GPM6A: variants seen among roughly 807,000 people sequenced by gnomAD.
GPM6A encodes neuronal membrane glycoprotein M6-a.
GPM6A carries 7 observed loss-of-function variants against 32.1 expected under a neutral mutation model. That is an observed-to-expected ratio of 0.22 (90% CI 0.12 to 0.41). The LOEUF (loss-of-function observed/expected upper bound fraction) is 0.41, where lower values mean the gene tolerates loss of function less well. Among genes scored for constraint, GPM6A ranks in the 10% least tolerant of loss-of-function variants. The probability of loss-of-function intolerance (pLI) is 1.00; values close to 1 mark genes in which losing one functional copy is unlikely to be tolerated. For synonymous variants in GPM6A, 130 were observed against 123.4 expected, an observed-to-expected ratio of 1.05 and a Z score of -0.35; for missense variants, 235 against 347.2, an observed-to-expected ratio of 0.68 and a Z score of 2.57.
rs1742286154 is a variant in GPM6A at position 175,659,610 on chromosome 4, A to T, written c.388-7623T>A. Among the ~76,000 whole-genome samples the T allele has an allele frequency of 2.0e-5, 3 of 152,222 alleles. No homozygotes were observed. The South Asian group carries it at 6.2e-4, about 32-fold the overall frequency. Reference sequence around the variant, plus strand: ...ATAATGTCTAAAGCCCCAAAATGATAGTCATGAAAATTGCAATAGAAAGGC... The same window carrying T: ...ATAATGTCTAAAGCCCCAAAATGATTGTCATGAAAATTGCAATAGAAAGGC... On this transcript the variant is annotated intron_variant, in intron 3 of 6. Transcript: ENST00000393658.
At chr4:175,936,409 A>G (rs940377622) in intron 1 of GPM6A, among the ~76,000 whole-genome samples, 2 of 151,260 alleles carry the variant, frequency 1.3e-5, no homozygotes, top group South Asian at 2.1e-4. Context: ...ACTTTCCTCA[A>G]TGTGTAACTA....
chr4:175,961,750 G>T (rs1241998470), intron 1 of GPM6A, among the ~76,000 whole-genome samples: 2 of 152,144 alleles, frequency 1.3e-5, no homozygotes, highest in African/African-American at 4.8e-5. Context: ...AGAGCTTTCT[G>T]TTCTCAGCAA....
At chr4:175,918,921 TG>T (rs1302379202) in intron 1 of GPM6A, among the ~76,000 whole-genome samples, 1 of 151,996 alleles carries the variant, frequency 6.6e-6, no homozygotes, top group African/African-American at 2.4e-5. Context: ...TACTGGTTTT[TG>T]TCTTATTATC....
At chr4:175,856,109 A>G (rs1736406088) in intron 1 of GPM6A, among the ~76,000 whole-genome samples, 1 of 152,260 alleles carries the variant, frequency 6.6e-6, no homozygotes, top group Non-Finnish European at 1.5e-5. Flanking sequence ...ATATTGATAA[A>G]TTAATGTTTA....
chr4:175,962,727 AC>A lies in GPM6A; in HGVS notation c.-23+39581del. On this transcript the variant is annotated intron_variant, in intron 1 of 7. Coordinates refer to the GPM6A transcript ENST00000280187. ...CAGACCAAAAAAACCCACACTAAAG[AC>A]CTATTTACCTCATTTATTTTTACCC... is the stretch of plus-strand genomic sequence containing the variant. Among the ~76,000 whole-genome samples the A allele has an allele frequency of 1.3e-5, 2 of 152,194 alleles. 1 individual carries two copies. The highest frequency in any genetic ancestry group is 4.1e-4 in the South Asian group (2 of 4,822).
intron 4 of GPM6A, among the ~76,000 whole-genome samples, chr4:175,646,561 T>C (rs771692446): frequency 5.9e-5 from 9 of 152,220 alleles, no homozygotes; most frequent in Non-Finnish European, 1.0e-4. Context: ...GTCATGAAGA[T>C]ATTTTTCTTT....
At position 175,633,733 on chromosome 4, in the gene GPM6A, C is replaced by T. The variant is rs953199905; in HGVS notation, c.*1172G>A. On this transcript the variant is annotated 3_prime_UTR_variant, in exon 7 of 7. Transcript: ENST00000393658. The stretch of plus-strand genomic sequence containing the variant: ...TTATAAATGAATATGAATGAACATT[C>T]GGTTAAAATGACTTACTTGAAATAA... 1.0e-4 allele frequency: 16 copies of T among 152,406 alleles called. No individual in the cohort carries two copies. The highest frequency in any genetic ancestry group is 3.4e-4 in the African/African-American group (14 of 41,396). 9.4% of individuals were successfully genotyped at this position (152,406 alleles called of 1,614,324 possible).
intron 1 of GPM6A, among the ~76,000 whole-genome samples, chr4:175,854,776 G>A (rs1330189275): frequency 6.6e-6 from 1 of 152,176 alleles, no homozygotes; most frequent in African/African-American, 2.4e-5. Context: ...AAAGAGAGAA[G>A]TGTGGAGATC....
intron 1 of GPM6A, among the ~76,000 whole-genome samples, chr4:175,843,337 A>T (rs1170322312): frequency 6.6e-6 from 1 of 152,116 alleles, no homozygotes; most frequent in Non-Finnish European, 1.5e-5. Flanking sequence ...TTTTTTCTTG[A>T]CAGGAACATG....
intron 1 of GPM6A, among the ~76,000 whole-genome samples, chr4:175,752,654 A>G (rs1732381359): frequency 1.3e-5 from 2 of 152,148 alleles, no homozygotes; most frequent in African/African-American, 4.8e-5. Flanking sequence ...TTTGACACAT[A>G]ATAAAGCAAA....
At chr4:175,735,777 G>A (rs929911123) in intron 1 of GPM6A, among the ~76,000 whole-genome samples, 1 of 152,120 alleles carries the variant, frequency 6.6e-6, no homozygotes, top group Non-Finnish European at 1.5e-5. Context: ...GGTCAGGCTG[G>A]TCTCAAACTC....
intron 1 of GPM6A, among the ~76,000 whole-genome samples, chr4:175,900,822 CTA>C (rs1326504348): frequency 6.6e-6 from 1 of 152,170 alleles, no homozygotes; most frequent in Non-Finnish European, 1.5e-5. Context: ...AGCTGCACTC[CTA>C]TGTTTGTTGA....
intron 1 of GPM6A, among the ~76,000 whole-genome samples, chr4:175,736,101 C>A (rs1010848242): frequency 1.3e-5 from 2 of 152,168 alleles, no homozygotes; most frequent in Non-Finnish European, 2.9e-5. Context: ...TCATAGCTTA[C>A]TGCAGTCTTG....
chr4:175,776,266 T>A (rs1733391219), intron 1 of GPM6A, among the ~76,000 whole-genome samples: 2 of 152,188 alleles, frequency 1.3e-5, no homozygotes, highest in African/African-American at 4.8e-5. Context: ...TTACCCCCTG[T>A]GTTAAGTCAA....
rs565918018 is a variant in GPM6A at position 175,661,494 on chromosome 4, C to T, written c.388-9507G>A. Among the ~76,000 whole-genome samples the T allele has an allele frequency of 5.4e-5, 8 of 149,488 alleles. No homozygotes were observed. In the South Asian group the frequency reaches 1.7e-3, roughly 32 times the overall value. Reference sequence around the variant, plus strand: ...GAGGATGTTAGTTTTCATTTTTAAACTTGAAAAGGAGCAATGAAGAAGGCC... The same window carrying T: ...GAGGATGTTAGTTTTCATTTTTAAATTTGAAAAGGAGCAATGAAGAAGGCC... On this transcript the variant is annotated intron_variant, in intron 3 of 6. Transcript: ENST00000393658.
chr4:175,693,438 A>T (rs2111042514), intron 2 of GPM6A, among the ~76,000 whole-genome samples: 1 of 152,080 alleles, frequency 6.6e-6, no homozygotes, highest in Non-Finnish European at 1.5e-5. Flanking sequence ...TATTACTAAG[A>T]TAGCTATTCT....
chr4:175,779,048 T>C (rs1579490681), intron 1 of GPM6A, among the ~76,000 whole-genome samples: 2 of 152,230 alleles, frequency 1.3e-5, no homozygotes, highest in East Asian at 3.9e-4. Flanking sequence ...TACAAAATGA[T>C]ATTCCAGAAA....
intron 1 of GPM6A, chr4:175,962,025 G>A (rs1038211223): frequency 1.8e-5 from 11 of 625,580 alleles, no homozygotes; most frequent in African/African-American, 7.3e-5. Flanking sequence ...AAATGTTCAC[G>A]TCTCAGGCCT....
chr4:175,734,809 G>A (rs1481173568), intron 1 of GPM6A, among the ~76,000 whole-genome samples: 1 of 152,058 alleles, frequency 6.6e-6, no homozygotes, highest in East Asian at 1.9e-4. Context: ...GGAAGTGAAG[G>A]TTGCAGTGAG....
Sources: gnomAD v4.1 joint callset for allele counts (sites outside exome capture counted in the v4.1 genomes callset) on GRCh38, gnomAD v4.1.1 for gene constraint, MANE v1.5 for transcripts, NCBI Gene and HGNC (gene_info 2026-07-23, HGNC 2026-07-21) for gene names.